Variants in ATP2B2 observed in about 807,000 individuals in gnomAD.
ATP2B2 encodes the protein ATPase plasma membrane Ca2+ transporting 2.
Under a neutral mutation model 120.0 loss-of-function variants are expected in ATP2B2, and 15 were observed. The observed-to-expected ratio is 0.12, with a 90% CI of 0.08 to 0.19. The LOEUF (loss-of-function observed/expected upper bound fraction) is 0.19, where lower values mean the gene tolerates loss of function less well. ATP2B2 is among the 10% of genes least tolerant of loss of function. The probability of loss-of-function intolerance (pLI) is 1.00; values close to 1 mark genes in which losing one functional copy is unlikely to be tolerated. For synonymous variants in ATP2B2, 694 were observed against 700.3 expected, an observed-to-expected ratio of 0.99 and a Z score of 0.14; for missense variants, 1,045 against 1,719.8, an observed-to-expected ratio of 0.61 and a Z score of 6.94.
chr3:10,479,782 G>C (rs1180656356), intron 1 of ATP2B2, among the ~76,000 whole-genome samples: 1 of 152,144 alleles, frequency 6.6e-6, no homozygotes, highest in Non-Finnish European at 1.5e-5. Flanking sequence ...GGGAGGAAAG[G>C]CTAATTTGCA....
At chr3:10,672,840 G>A (rs764041272) in intron 1 of ATP2B2, among the ~76,000 whole-genome samples, 1 of 152,208 alleles carries the variant, frequency 6.6e-6, no homozygotes, top group Non-Finnish European at 1.5e-5. Flanking sequence ...TAACAACAGA[G>A]GAATCTTTGA....
At chr3:10,545,269 C>A (rs1176982484) in intron 2 of ATP2B2, among the ~76,000 whole-genome samples, 1 of 152,178 alleles carries the variant, frequency 6.6e-6, no homozygotes, top group Non-Finnish European at 1.5e-5. Flanking sequence ...GTGGCTCATG[C>A]CTGTAATCCC....
At chr3:10,399,180 C>T (rs920693791) in intron 5 of ATP2B2, among the ~76,000 whole-genome samples, 2 of 152,224 alleles carry the variant, frequency 1.3e-5, no homozygotes, top group African/African-American at 4.8e-5. Context: ...TGGCCACTGC[C>T]CCCAAGGATG....
chr3:10,627,600 C>T (rs565809967), intron 1 of ATP2B2, among the ~76,000 whole-genome samples: 55 of 152,312 alleles, frequency 3.6e-4, no homozygotes, highest in African/African-American at 1.1e-3. Flanking sequence ...CTCTCCCCCT[C>T]GCTGGATCCT....
intron 1 of ATP2B2, among the ~76,000 whole-genome samples, chr3:10,620,515 A>C (rs2069515579): frequency 6.6e-6 from 1 of 152,146 alleles, no homozygotes; most frequent in Non-Finnish European, 1.5e-5. Context: ...GGAGTAGGGA[A>C]ACCTGGAAGG....
intron 22 of ATP2B2, chr3:10,331,841 G>A (rs747107143): frequency 3.9e-5 from 29 of 737,534 alleles, no homozygotes; most frequent in Admixed American, 7.8e-5. Flanking sequence ...ACCCATGCCC[G>A]TTGTCAGAGG....
At chr3:10,336,274 G>A (rs550103974) in intron 22 of ATP2B2, 32 of 1,550,570 alleles carry the variant, frequency 2.1e-5, no homozygotes, top group East Asian at 7.3e-5. Context: ...AGGAGGCCCC[G>A]CTCTTGAAAG....
intron 4 of ATP2B2, 100 bp downstream of exon 4, chr3:10,401,991 G>A: frequency 6.3e-7 from 1 of 1,579,638 alleles, no homozygotes; most frequent in South Asian, 1.1e-5. Context: ...CTTCAGGAAT[G>A]CATCCCCTTC....
At chr3:10,561,273 G>A (rs1017431659) in intron 2 of ATP2B2, among the ~76,000 whole-genome samples, 1 of 152,206 alleles carries the variant, frequency 6.6e-6, no homozygotes, top group African/African-American at 2.4e-5. Flanking sequence ...GATTGAATGA[G>A]TAATGGGAAC....
intron 1 of ATP2B2, among the ~76,000 whole-genome samples, chr3:10,622,254 G>A (rs2069572988): frequency 6.6e-6 from 1 of 152,062 alleles, no homozygotes; most frequent in Admixed American, 6.5e-5. Context: ...TTCTCCACGG[G>A]GACTTTTGGG....
chr3:10,621,342 G>A (rs2069542146), intron 1 of ATP2B2, among the ~76,000 whole-genome samples: 1 of 152,252 alleles, frequency 6.6e-6, no homozygotes, highest in Non-Finnish European at 1.5e-5. Flanking sequence ...ACACAGAGCA[G>A]TCACGGGGCC....
chr3:10,392,499 G>A (rs534679785), intron 5 of ATP2B2, among the ~76,000 whole-genome samples: 1 of 152,332 alleles, frequency 6.6e-6, no homozygotes, highest in Non-Finnish European at 1.5e-5. Context: ...ATTAATGGCA[G>A]AGCAACAGAC....
intron 2 of ATP2B2, among the ~76,000 whole-genome samples, chr3:10,574,331 G>A (rs960822020): frequency 2.0e-5 from 3 of 152,168 alleles, no homozygotes; most frequent in African/African-American, 7.2e-5. Flanking sequence ...GCTGAGCTGT[G>A]CCCCGGGAGG....
intron 3 of ATP2B2, among the ~76,000 whole-genome samples, chr3:10,522,261 T>G (rs752259148): frequency 1.3e-5 from 2 of 152,180 alleles, no homozygotes; most frequent in African/African-American, 2.4e-5. Context: ...ACGTGTGTAT[T>G]GCCTTTTCTC....
intron 12 of ATP2B2, among the ~76,000 whole-genome samples, chr3:10,363,274 A>G (rs914376398): frequency 1.3e-5 from 2 of 152,134 alleles, no homozygotes; most frequent in African/African-American, 4.8e-5. Flanking sequence ...TGACAAACCC[A>G]GAAGTTTTGC....
At chr3:10,420,791 C>T (rs966871767) in intron 2 of ATP2B2, among the ~76,000 whole-genome samples, 2 of 152,246 alleles carry the variant, frequency 1.3e-5, no homozygotes, top group East Asian at 1.9e-4. Flanking sequence ...ATTGTTGTTG[C>T]TATCACTGAG....
At chr3:10,356,963 A>ATG (rs1222266019) in intron 14 of ATP2B2, among the ~76,000 whole-genome samples, 1 of 137,184 alleles carries the variant, frequency 7.3e-6, no homozygotes, top group Non-Finnish European at 1.5e-5. Context: ...GTGTGTGTGT[A>ATG]TGAGAGAGAG....
At chr3:10,410,592 G>T in intron 3 of ATP2B2, 26 bp downstream of exon 3, 1 of 1,582,244 alleles carries the variant, frequency 6.3e-7, no homozygotes, top group Non-Finnish European at 8.6e-7. Flanking sequence ...GTGCGGGGCG[G>T]TTCGTGGGTC....
At chr3:10,385,395 T>G in intron 7 of ATP2B2, 68 bp from the exon 8 acceptor site, 2 of 1,383,156 alleles carry the variant, frequency 1.4e-6, no homozygotes, top group Non-Finnish European at 2.1e-6. Flanking sequence ...GACAAAGACA[T>G]GAACCAACTT....
Sources: gnomAD v4.1 joint callset for allele counts (sites outside exome capture counted in the v4.1 genomes callset) on GRCh38, gnomAD v4.1.1 for gene constraint, MANE v1.5 for transcripts, NCBI Gene and HGNC (gene_info 2026-07-23, HGNC 2026-07-21) for gene names.